POTEM: variants seen among roughly 807,000 people sequenced by gnomAD.
POTEM encodes the protein POTE ankyrin domain family member M.
For missense variants in POTEM, 24 were observed against 343.0 expected (o/e 0.07, Z 7.35); for synonymous variants, 8 against 113.2 (o/e 0.07, Z 5.90).
chr14:18,997,026 T>TA lies in POTEM; in HGVS notation c.1410-13dup. 1 of 616,934 alleles carries TA rather than the reference T, an allele frequency of 1.6e-6. No homozygotes were observed. Among genetic ancestry groups the TA allele is most frequent in the Non-Finnish European group, 3.0e-6 (1 of 332,552 alleles). The allele number at this position is 616,934 out of a possible 1,614,324, so 38.2% of individuals were successfully genotyped here. On this transcript the variant is annotated splice_polypyrimidine_tract_variant and intron_variant, in intron 9 of 10. Transcript: ENST00000547889. ...GACACCTCCAGTATTTCATGAAAAT[T>TA]AATTTTTTTTCTAGTGATGAACAAA...
At chr14:18,986,400 G>A (rs1208404342) in intron 7 of POTEM, among the ~76,000 whole-genome samples, 1 of 137,184 alleles carries the variant, frequency 7.3e-6, no homozygotes, top group Non-Finnish European at 1.6e-5. Context: ...AGGGAACCAG[G>A]TCAAAAAAGC....
chr14:18,985,606 CT>C, intron 7 of POTEM, 125 bp downstream of exon 7: 2 of 443,104 alleles, frequency 4.5e-6, no homozygotes, highest in Non-Finnish European at 8.2e-6. Context: ...TCAATAGATT[CT>C]TTTTTTAAGA....
chr14:18,975,731 T>C, intron 3 of POTEM, among the ~76,000 whole-genome samples: 2 of 68,666 alleles, frequency 2.9e-5, no homozygotes. Context: ...CAAGGAGCTC[T>C]TTGTTTAGAT....
chr14:18,985,845 C>T (rs1183371858), intron 7 of POTEM, among the ~76,000 whole-genome samples: 8 of 135,708 alleles, frequency 5.9e-5, no homozygotes, highest in Non-Finnish European at 1.2e-4. Flanking sequence ...GTGGAGCTTG[C>T]AGTGAGCCGA....
At chr14:18,991,201 C>G (rs1357969058) in intron 9 of POTEM, among the ~76,000 whole-genome samples, 5 of 122,050 alleles carry the variant, frequency 4.1e-5, no homozygotes. Context: ...ACTTTTTCTA[C>G]TGTATATATG....
chr14:18,969,028 C>T (rs1890833676), intron 1 of POTEM, among the ~76,000 whole-genome samples: 1 of 149,398 alleles, frequency 6.7e-6, no homozygotes, highest in Admixed American at 6.7e-5. Flanking sequence ...TTACTAACAG[C>T]TGAAAAGACA....
chr14:18,986,382 G>A (rs1891183370), intron 7 of POTEM, among the ~76,000 whole-genome samples: 1 of 139,012 alleles, frequency 7.2e-6, no homozygotes, highest in Admixed American at 7.0e-5. Context: ...CAGTGTTTCT[G>A]TTCAGGGAGG....
rs200925682 is a variant in POTEM at position 18,990,889 on chromosome 14, A to ATT, written c.1409+2479_1409+2480dup. 8.5e-4 allele frequency among the ~76,000 whole-genome samples: 26 copies of ATT among 30,592 alleles called. No individual in the cohort carries two copies. In the South Asian group the frequency reaches 0.025, roughly 29 times the overall value. 20.1% of individuals were successfully genotyped at this position (30,592 alleles called of 152,430 possible). ...AGTCCTCAATCTTCTTTCTCATGAC[A>ATT]TTTTTTTTTTTTAAGATGAAGTCTG... On this transcript the variant is annotated intron_variant, in intron 9 of 10. Coordinates refer to ENST00000547889, the MANE Select transcript of POTEM (RefSeq NM_001145442.1).
chr14:18,969,221 T>C (rs1360146992), intron 1 of POTEM, among the ~76,000 whole-genome samples: 7 of 131,572 alleles, frequency 5.3e-5, no homozygotes, highest in Non-Finnish European at 1.1e-4. Context: ...ATTTTAAATA[T>C]ACAAAAAGAG....
intron 5 of POTEM, chr14:18,977,993 TCC>T (rs1891009879): frequency 7.8e-6 from 1 of 127,560 alleles, no homozygotes; most frequent in Non-Finnish European, 1.6e-5. Context: ...TCCTAGATAC[TCC>T]TTGAATTTTT....
intron 1 of POTEM, 133 bp downstream of exon 1, chr14:18,968,139 G>C (rs1890805647): frequency 1.5e-6 from 1 of 680,920 alleles, no homozygotes; most frequent in Non-Finnish European, 2.5e-6. Context: ...GGAAACCTCA[G>C]AGAGTTCAGG....
rs1891409292 is a variant in POTEM, at chr14:19,002,828, G to A, written c.*4163G>A. Among the ~76,000 whole-genome samples the A allele has an allele frequency of 6.6e-6, 1 of 152,282 alleles. No individual in the cohort carries two copies. The highest frequency in any genetic ancestry group is 6.5e-5 in the Admixed American group (1 of 15,268). On this transcript the variant is annotated 3_prime_UTR_variant, in exon 11 of 11. Coordinates refer to ENST00000547889, the MANE Select transcript of POTEM (RefSeq NM_001145442.1). Reference sequence around the variant, plus strand: ...CTTCCTACATCACTTTGCTGTGTGTGTTTACACAGGTGGATTTTGCTTTAC... The same window carrying A: ...CTTCCTACATCACTTTGCTGTGTGTATTTACACAGGTGGATTTTGCTTTAC...
intron 1 of POTEM, among the ~76,000 whole-genome samples, chr14:18,968,503 T>G (rs1337132231): frequency 6.6e-6 from 1 of 152,122 alleles, no homozygotes; most frequent in East Asian, 1.9e-4. Context: ...TGTGCTTGAA[T>G]AGGAAGATTG....
At chr14:18,996,197 G>T (rs1891296477) in intron 9 of POTEM, among the ~76,000 whole-genome samples, 1 of 151,576 alleles carries the variant, frequency 6.6e-6, no homozygotes, top group Admixed American at 6.6e-5. Context: ...AATGGAAAGT[G>T]CTTAACGATG....
chr14:18,996,118 T>TTTC (rs1326019435), intron 9 of POTEM, among the ~76,000 whole-genome samples: 3 of 151,976 alleles, frequency 2.0e-5, no homozygotes, highest in Non-Finnish European at 4.4e-5. Flanking sequence ...ATGCCCTTTA[T>TTTC]TTCTCTTGCC....
intron 1 of POTEM, among the ~76,000 whole-genome samples, chr14:18,969,448 T>A (rs1235092664): frequency 0.016 from 1,757 of 111,524 alleles, 2 homozygotes; most frequent in Non-Finnish European, 0.023. Flanking sequence ...AGTGGTGCGA[T>A]CTCGGCTCAC....
chr14:18,982,556 G>A (rs1267989016), intron 6 of POTEM, among the ~76,000 whole-genome samples: 151 of 138,658 alleles, frequency 1.1e-3, no homozygotes, highest in Middle Eastern at 3.5e-3. Context: ...ATAGTTTGCT[G>A]GGATTGATGG....
At chr14:18,996,227 TCTCA>T (rs1486156634) in intron 9 of POTEM, among the ~76,000 whole-genome samples, 1 of 151,530 alleles carries the variant, frequency 6.6e-6, no homozygotes, top group African/African-American at 2.4e-5. Flanking sequence ...CACATCTCTC[TCTCA>T]TACACAGATA....
chr14:18,990,843 C>T (rs1437007402), intron 9 of POTEM, among the ~76,000 whole-genome samples: 2 of 22,524 alleles, frequency 8.9e-5, no homozygotes, highest in African/African-American at 2.3e-4. Context: ...TCCTTTTGGA[C>T]ATTGCTGTTT....
Sources: gnomAD v4.1 joint callset for allele counts (sites outside exome capture counted in the v4.1 genomes callset) on GRCh38, gnomAD v4.1.1 for gene constraint, MANE v1.5 for transcripts, NCBI Gene and HGNC (gene_info 2026-07-23, HGNC 2026-07-21) for gene names.